Variants in TRPM4 observed in about 807,000 individuals in gnomAD.
TRPM4 encodes calcium-activated non-selective cation channel 1.
A neutral mutation model predicts 135.6 loss-of-function variants in TRPM4; 124 were observed. That is an observed-to-expected ratio of 0.91 (90% CI 0.79 to 1.06). TRPM4 has a LOEUF of 1.06. Ranked by LOEUF, TRPM4 falls within the 50% of genes least tolerant of loss-of-function variation. The pLI is 0.00. For synonymous variants in TRPM4, 745 were observed against 705.6 expected, an observed-to-expected ratio of 1.06 and a Z score of -0.88; for missense variants, 1,658 against 1,671.4, an observed-to-expected ratio of 0.99 and a Z score of 0.14.
intron 16 of TRPM4, among the ~76,000 whole-genome samples, chr19:49,194,126 C>T (rs1013985227): frequency 3.3e-5 from 5 of 150,740 alleles, no homozygotes; most frequent in African/African-American, 7.3e-5. Context: ...TTCTCCTCTT[C>T]ATCCTCCTTC....
chr19:49,208,040 T>C (rs934094634), intron 20 of TRPM4, among the ~76,000 whole-genome samples: 2 of 152,196 alleles, frequency 1.3e-5, no homozygotes, highest in Non-Finnish European at 2.9e-5. Flanking sequence ...GGCCCTTCCC[T>C]GTTAGGTAGC....
rs1969312357 is a variant in TRPM4 at position 49,210,471 on chromosome 19, A to AG, written c.3328+71dup. Reference sequence around the variant, plus strand: ...ACCGGGAGCCTGGAAGGCGAGGGGAAGGGGGCATGCCCCAAATGACTAACG... The same window carrying AG: ...ACCGGGAGCCTGGAAGGCGAGGGGAAGGGGGGCATGCCCCAAATGACTAACG... On this transcript the variant is annotated intron_variant, in intron 21 of 24. Transcript: ENST00000252826. The surrounding 1 kb of genome is among the most constrained non-coding windows in gnomAD (Gnocchi z 4.1). The AG allele has an allele frequency of 1.3e-6, 2 of 1,569,732 alleles. No individual in the cohort carries two copies.
chr19:49,175,949 A>G (rs1326042045), intron 9 of TRPM4, among the ~76,000 whole-genome samples: 6 of 109,582 alleles, frequency 5.5e-5, no homozygotes, highest in African/African-American at 1.1e-4. Flanking sequence ...TTTTTTAAAG[A>G]GTCTTTGTCT....
rs112589404 is a variant in TRPM4, at chr19:49,188,733, G to A, written c.1836G>A (p.Arg612=). 3.4e-5 allele frequency: 55 copies of A among 1,614,234 alleles called. No individual in the cohort carries two copies. In the African/African-American group the frequency reaches 5.6e-4, roughly 16 times the overall value. ...CTGACGCTGAGGAGGCAGCACGGAGGAAAGACCTGGCGTTCAAGTTTGAGG... is the reference window on the plus strand; with the variant it reads ...CTGACGCTGAGGAGGCAGCACGGAGAAAAGACCTGGCGTTCAAGTTTGAGG... ...LEPDAEEAAR[R]KDLAFKFEGM... Residue 612 remains arginine, a synonymous_variant, in exon 13 of 25, where the codon AGG becomes AGA. Transcript: ENST00000252826.
At position 49,211,394 on chromosome 19, in the gene TRPM4, C is replaced by A; in HGVS notation, c.3641-100C>A. ...CTTGGTCTCCTTTGAGCCTTTTGTA[C>A]TCTCGCCTTCGTCTTTCTTCTTTTT... On this transcript the variant is annotated intron_variant, in intron 24 of 24. Coordinates refer to ENST00000252826, the MANE Select transcript of TRPM4 (RefSeq NM_017636.4). This position sits in a 1 kb window ranked among gnomAD's most constrained non-coding sequence, Gnocchi z 4.8. The A allele has an allele frequency of 6.3e-7, 1 of 1,598,990 alleles. No homozygotes were observed. Among genetic ancestry groups the A allele is most frequent in the Non-Finnish European group, 8.5e-7 (1 of 1,169,722 alleles).
intron 2 of TRPM4, among the ~76,000 whole-genome samples, chr19:49,160,681 G>A (rs1333177340): frequency 6.6e-6 from 1 of 152,088 alleles, no homozygotes; most frequent in Non-Finnish European, 1.5e-5. Flanking sequence ...CTAAGGGGCT[G>A]GGATCTTGTC....
chr19:49,162,527 A>G (rs1278289448), intron 2 of TRPM4, among the ~76,000 whole-genome samples: 1 of 152,054 alleles, frequency 6.6e-6, no homozygotes, highest in African/African-American at 2.4e-5. Context: ...AGACAGAGCG[A>G]GACTCCATCT....
intron 16 of TRPM4, among the ~76,000 whole-genome samples, chr19:49,194,575 C>T (rs1047188103): frequency 1.3e-5 from 2 of 150,612 alleles, no homozygotes; most frequent in African/African-American, 2.4e-5. Context: ...TCCTTCCTTC[C>T]TTCTTTCCTT....
chr19:49,171,328 A>C lies in TRPM4; in HGVS notation c.797-29A>C. Reference sequence around the variant, plus strand: ...TCTCCAGCAAAGGCTGATGGGAGGTAATCAAGCCCCCTTCTCTTCTTGCCT... The same window carrying C: ...TCTCCAGCAAAGGCTGATGGGAGGTCATCAAGCCCCCTTCTCTTCTTGCCT... On this transcript the variant is annotated intron_variant, in intron 6 of 24. Transcript: ENST00000252826. This position sits in a 1 kb window ranked among gnomAD's most constrained non-coding sequence, Gnocchi z 4.7. The C allele has an allele frequency of 1.2e-6, 2 of 1,613,888 alleles. No homozygotes were observed. The highest frequency in any genetic ancestry group is 1.7e-6 in the Non-Finnish European group (2 of 1,179,764).
Position 49,158,440 on chromosome 19 carries a change from C to G in TRPM4, c.92+181C>G. 8 of 648,576 alleles carry G rather than the reference C, an allele frequency of 1.2e-5. No individual in the cohort carries two copies. In the South Asian group the frequency reaches 1.4e-4, roughly 11 times the overall value. The allele number at this position is 648,576 out of a possible 1,614,324, so 40.2% of individuals were successfully genotyped here. A position where few individuals can be genotyped will look rare whatever the true frequency, so the allele number is the denominator to read the frequency against. ...GGGTCTGTGTAGACACCCCTCATTC[C>G]CCATTCGCCATTCTCCCGCTCAGGG... On this transcript the variant is annotated intron_variant, in intron 2 of 24. Transcript: ENST00000252826.
intron 16 of TRPM4, among the ~76,000 whole-genome samples, chr19:49,191,393 T>A (rs1968406901): frequency 6.6e-6 from 1 of 151,196 alleles, no homozygotes; most frequent in African/African-American, 2.4e-5. Context: ...TAAAGTAGAG[T>A]CGGGATTTCA....
At chr19:49,174,873 TGGG>T (rs939787425) in intron 9 of TRPM4, among the ~76,000 whole-genome samples, 28 of 150,986 alleles carry the variant, frequency 1.9e-4, no homozygotes, top group African/African-American at 6.6e-4. Context: ...GGGCTCTGTG[TGGG>T]GAGGGTCATT....
chr19:49,197,308 T>C (rs748866104), intron 17 of TRPM4, among the ~76,000 whole-genome samples: 1,817 of 122,188 alleles, frequency 0.015, 52 homozygotes, highest in African/African-American at 0.059. Flanking sequence ...CTTTCTTTCT[T>C]TTTCTTTCTT....
chr19:49,180,240 A>G (rs889191157), intron 9 of TRPM4, among the ~76,000 whole-genome samples: 4 of 152,088 alleles, frequency 2.6e-5, no homozygotes, highest in African/African-American at 9.7e-5. Context: ...TTGACTGCAC[A>G]TGTTTGGATC....
rs1186739083 is a variant in TRPM4 at position 49,211,301 on chromosome 19, A to T, written c.3640+32A>T. 1 of 1,575,874 alleles carries T rather than the reference A, an allele frequency of 6.3e-7. No homozygotes were observed. On this transcript the variant is annotated intron_variant, in intron 24 of 24. Coordinates refer to ENST00000252826, the MANE Select transcript of TRPM4 (RefSeq NM_017636.4). The surrounding 1 kb of genome is among the most constrained non-coding windows in gnomAD (Gnocchi z 4.8). Reference sequence around the variant, plus strand: ...GTGTAGCATCAGCCTGTGCATCTCCAGCCTCTGTTCCTGTATTTTTGCGTG... The same window carrying T: ...GTGTAGCATCAGCCTGTGCATCTCCTGCCTCTGTTCCTGTATTTTTGCGTG...
At chr19:49,159,613 G>A (rs150003630) in intron 2 of TRPM4, 5,820 of 152,120 alleles carry the variant, frequency 0.038, 155 homozygotes, top group East Asian at 0.13. Context: ...CTCCCTAGTA[G>A]CTGGGATTAC....
chr19:49,163,169 C>T (rs1368520888), intron 2 of TRPM4, among the ~76,000 whole-genome samples: 1 of 150,114 alleles, frequency 6.7e-6, no homozygotes, highest in African/African-American at 2.4e-5. Flanking sequence ...CCAGACTATT[C>T]CGTGAAGAGC....
chr19:49,205,911 TC>T (rs1279096669), intron 20 of TRPM4, among the ~76,000 whole-genome samples: 1 of 152,106 alleles, frequency 6.6e-6, no homozygotes, highest in Admixed American at 6.6e-5. Flanking sequence ...TTCTGGACTT[TC>T]AATTCTATTC....
chr19:49,207,611 C>T (rs1461315135), intron 20 of TRPM4, among the ~76,000 whole-genome samples: 1 of 141,966 alleles, frequency 7.0e-6, no homozygotes. Context: ...CATGATTGTG[C>T]CACCAACAGA....
Sources: gnomAD v4.1 joint callset for allele counts (sites outside exome capture counted in the v4.1 genomes callset) on GRCh38, gnomAD v4.1.1 for gene constraint, Gnocchi (gnomAD v3.1) non-coding constraint, MANE v1.5 for transcripts, NCBI Gene and HGNC (gene_info 2026-07-23, HGNC 2026-07-21) for gene names.